The following MEGF11 variants were observed in gnomAD, a reference collection of about 807,000 sequenced individuals.
MEGF11 encodes the protein multiple epidermal growth factor-like domains protein 11.
In MEGF11, 126 loss-of-function variants were observed where a neutral mutation model predicts 146.6. The ratio of observed to expected loss-of-function variants is 0.86; its 90% confidence interval spans 0.74 to 1.00. MEGF11 has a LOEUF of 1.00. MEGF11 is among the 50% of genes least tolerant of loss of function. The probability of loss-of-function intolerance (pLI) is 0.00; values close to 1 mark genes in which losing one functional copy is unlikely to be tolerated. For synonymous variants in MEGF11, 532 were observed against 583.4 expected (o/e 0.91, Z 1.27); for missense variants, 1,509 against 1,521.2 (o/e 0.99, Z 0.13).
intron 22 of MEGF11, among the ~76,000 whole-genome samples, 158 bp from the exon 23 acceptor site, chr15:65,909,293 C>T (rs542623281): frequency 9.9e-5 from 15 of 152,078 alleles, no homozygotes; most frequent in African/African-American, 3.1e-4. Context: ...CCAGGGCCAG[C>T]GGGGCCAGGG....
chr15:66,189,854 G>A (rs953613377), intron 1 of MEGF11, among the ~76,000 whole-genome samples: 7 of 151,794 alleles, frequency 4.6e-5, no homozygotes, highest in African/African-American at 1.7e-4. Context: ...AATCCCACTC[G>A]AAAGCAATCG....
At chr15:66,005,269 T>C (rs2082485005) in intron 5 of MEGF11, among the ~76,000 whole-genome samples, 1 of 152,172 alleles carries the variant, frequency 6.6e-6, no homozygotes. Context: ...AATACAGAAC[T>C]GGGAGCCAGA....
chr15:65,946,867 C>T lies in MEGF11; in HGVS notation c.1287+10680G>A, dbSNP rs1051695343. On this transcript the variant is annotated intron_variant, in intron 10 of 25. Transcript: ENST00000395614. The stretch of plus-strand genomic sequence containing the variant: ...AGGGCCCACCTGCTCTGCTCCCACT[C>T]TTTTCCTTCCACTCCCTCCCTACAC... Among the ~76,000 whole-genome samples the T allele has an allele frequency of 2.6e-5, 4 of 152,168 alleles. No individual in the cohort carries two copies. The East Asian group carries it at 7.7e-4, about 29-fold the overall frequency.
chr15:65,928,545 A>G lies in MEGF11; in HGVS notation c.1573-18T>C. The G allele has an allele frequency of 6.4e-7, 1 of 1,555,006 alleles. No individual in the cohort carries two copies. The highest frequency in any genetic ancestry group is 8.8e-7 in the Non-Finnish European group (1 of 1,138,740). ...GTGCCATCCTGTGGAGAAGACAGGG[A>G]GAGAAAAATGATCAGACCCAAACCT... is the stretch of plus-strand genomic sequence containing the variant. On this transcript the variant is annotated intron_variant, in intron 12 of 25. Coordinates refer to ENST00000395614, the MANE Select transcript of MEGF11 (RefSeq NM_001385028.1).
At chr15:66,047,714 G>T (rs1202602416) in intron 5 of MEGF11, among the ~76,000 whole-genome samples, 1 of 152,236 alleles carries the variant, frequency 6.6e-6, no homozygotes, top group Non-Finnish European at 1.5e-5. Context: ...GGGGTTGACA[G>T]CAGGCAGGAG....
At chr15:66,100,415 A>G (rs1231160184) in intron 4 of MEGF11, among the ~76,000 whole-genome samples, 4 of 152,168 alleles carry the variant, frequency 2.6e-5, no homozygotes, top group African/African-American at 9.7e-5. Context: ...CCGCACTTCA[A>G]TTCCCACAGG....
At chr15:65,964,417 A>G (rs1254203034) in intron 9 of MEGF11, among the ~76,000 whole-genome samples, 1 of 152,052 alleles carries the variant, frequency 6.6e-6, no homozygotes, top group Non-Finnish European at 1.5e-5. Context: ...GGCCCTCGTG[A>G]TTTTTAAGGT....
intron 10 of MEGF11, among the ~76,000 whole-genome samples, chr15:65,953,199 G>T (rs2080465788): frequency 6.6e-6 from 1 of 152,194 alleles, no homozygotes; most frequent in African/African-American, 2.4e-5. Flanking sequence ...AGTGTCTGTT[G>T]TATTTCAGGC....
chr15:65,914,121 C>T (rs1031552172), intron 19 of MEGF11, 148 bp from the exon 20 acceptor site: 7 of 627,208 alleles, frequency 1.1e-5, no homozygotes, highest in Non-Finnish European at 2.0e-5. Flanking sequence ...TGTGACTACC[C>T]CCAGCCCTCA....
At chr15:66,190,432 G>A (rs557511444) in intron 1 of MEGF11, among the ~76,000 whole-genome samples, 1 of 152,238 alleles carries the variant, frequency 6.6e-6, no homozygotes, top group East Asian at 1.9e-4. Context: ...GTGTCTATGG[G>A]GATTGGTAAG....
intron 5 of MEGF11, among the ~76,000 whole-genome samples, chr15:65,988,830 C>A (rs1447894316): frequency 6.6e-6 from 1 of 152,054 alleles, no homozygotes; most frequent in Non-Finnish European, 1.5e-5. Context: ...TTACTTTCCC[C>A]ACATCCACCA....
chr15:65,929,774 G>A lies in MEGF11; in HGVS notation c.1518C>T (p.Gly506=). 1.3e-6 allele frequency: 2 copies of A among 1,556,476 alleles called. No individual in the cohort carries two copies. Among genetic ancestry groups the A allele is most frequent in the East Asian group, 2.4e-5 (1 of 41,192 alleles). The change falls in exon 12 of 26, where the codon GGC becomes GGT. Residue 506 remains glycine, a synonymous_variant. Coordinates refer to ENST00000395614, the MANE Select transcript of MEGF11 (RefSeq NM_001385028.1). ...ANGAACSPID[G]SCSCTPGWLG... ...GCCAGCCAGGAGTGCAGGAGCAGGAGCCGTCTATGGGGCTGCAGGCTGCCC... is the reference window on the plus strand; with the variant it reads ...GCCAGCCAGGAGTGCAGGAGCAGGAACCGTCTATGGGGCTGCAGGCTGCCC...
chr15:66,202,851 T>C (rs984654551), intron 1 of MEGF11, among the ~76,000 whole-genome samples: 5 of 152,160 alleles, frequency 3.3e-5, no homozygotes, highest in Admixed American at 2.0e-4. Flanking sequence ...AGGCAGCATG[T>C]AGAAAGCAGG....
intron 7 of MEGF11, among the ~76,000 whole-genome samples, chr15:65,973,376 T>C (rs371316020): frequency 1.3e-5 from 2 of 152,210 alleles, no homozygotes; most frequent in East Asian, 1.9e-4. Context: ...TCTGACCTTA[T>C]TGAGAGGAGT....
At chr15:65,899,181 A>T (rs1416103117) in intron 24 of MEGF11, among the ~76,000 whole-genome samples, 3 of 152,214 alleles carry the variant, frequency 2.0e-5, no homozygotes, top group Non-Finnish European at 4.4e-5. Flanking sequence ...GTTGGGTATT[A>T]ATTCAAGATA....
intron 8 of MEGF11, among the ~76,000 whole-genome samples, chr15:65,969,871 C>T (rs1438983580): frequency 6.6e-6 from 1 of 152,060 alleles, no homozygotes; most frequent in Non-Finnish European, 1.5e-5. Context: ...GAGACTTGGC[C>T]TGGGTTCTGT....
At chr15:66,081,792 T>G (rs549657937) in intron 5 of MEGF11, among the ~76,000 whole-genome samples, 1 of 152,352 alleles carries the variant, frequency 6.6e-6, no homozygotes, top group Admixed American at 6.5e-5. Context: ...ACAGGACTTC[T>G]GCTATGAACT....
At chr15:66,143,648 TTTC>T (rs2089256488) in intron 1 of MEGF11, among the ~76,000 whole-genome samples, 1 of 152,214 alleles carries the variant, frequency 6.6e-6, no homozygotes, top group African/African-American at 2.4e-5. Context: ...GGAAGTTGAC[TTTC>T]TTCTCTCCAG....
intron 4 of MEGF11, among the ~76,000 whole-genome samples, chr15:66,107,060 C>CCCCCT (rs111544754): frequency 0.19 from 27,965 of 150,692 alleles, 2,876 homozygotes; most frequent in Admixed American, 0.28. Context: ...TCCTACCCCC[C>CCCCCT]CACCAGGTAT....
Sources: allele counts gnomAD v4.1 joint callset (sites outside exome capture counted in the v4.1 genomes callset), GRCh38; gene constraint gnomAD v4.1.1; transcripts MANE v1.5; gene names NCBI Gene and HGNC (gene_info 2026-07-23, HGNC 2026-07-21).